Variants in GRAMD1C observed in about 807,000 individuals in gnomAD.
GRAMD1C encodes the protein protein Aster-C.
A neutral mutation model predicts 97.8 loss-of-function variants in GRAMD1C; 89 were observed. The observed-to-expected ratio is 0.91, with a 90% CI of 0.77 to 1.09. The LOEUF (loss-of-function observed/expected upper bound fraction) is 1.09, where lower values mean the gene tolerates loss of function less well. Among genes scored for constraint, GRAMD1C ranks in the 50% least tolerant of loss-of-function variants. The pLI is 0.00. For synonymous variants in GRAMD1C, 256 were observed against 267.0 expected (o/e 0.96, Z 0.40); for missense variants, 740 against 766.4 (o/e 0.97, Z 0.41).
At chr3:113,936,603 A>G (rs1559826536) in intron 14 of GRAMD1C, 161 bp downstream of exon 14, 3 of 535,000 alleles carry the variant, frequency 5.6e-6, no homozygotes, top group Middle Eastern at 4.6e-4. Flanking sequence ...TAACTAATAT[A>G]TAAGTATAAA....
chr3:113,943,382 A>T (rs1439271225), intron 17 of GRAMD1C, among the ~76,000 whole-genome samples: 1 of 152,200 alleles, frequency 6.6e-6, no homozygotes, highest in African/African-American at 2.4e-5. Context: ...AGGTTGTGCA[A>T]CCATCATCAC....
At chr3:113,879,813 C>T (rs914045570) in intron 5 of GRAMD1C, among the ~76,000 whole-genome samples, 10 of 151,720 alleles carry the variant, frequency 6.6e-5, no homozygotes, top group African/African-American at 2.4e-4. Flanking sequence ...CCTGCCTCAG[C>T]CTCCCAAGTA....
intron 6 of GRAMD1C, among the ~76,000 whole-genome samples, chr3:113,889,513 G>A (rs2107419862): frequency 6.6e-6 from 1 of 152,292 alleles, no homozygotes; most frequent in Admixed American, 6.5e-5. Context: ...CTTTGGATAT[G>A]TGAAAACCGC....
intron 2 of GRAMD1C, among the ~76,000 whole-genome samples, chr3:113,865,008 G>T (rs922712346): frequency 6.6e-6 from 1 of 152,172 alleles, no homozygotes; most frequent in African/African-American, 2.4e-5. Flanking sequence ...ATAGAAAGGA[G>T]ATTTATTTGG....
chr3:113,923,559 A>G (rs138048184), intron 10 of GRAMD1C, among the ~76,000 whole-genome samples: 1 of 152,272 alleles, frequency 6.6e-6, no homozygotes, highest in Non-Finnish European at 1.5e-5. Flanking sequence ...TGTTTATGTG[A>G]TGAATCACAC....
At chr3:113,932,307 A>G (rs1937465413) in intron 11 of GRAMD1C, among the ~76,000 whole-genome samples, 1 of 152,226 alleles carries the variant, frequency 6.6e-6, no homozygotes, top group African/African-American at 2.4e-5. Context: ...AAGATTATCA[A>G]ACGTAAGAAA....
At chr3:113,850,591 C>T (rs1933853187) in intron 2 of GRAMD1C, 1 of 1,607,434 alleles carries the variant, frequency 6.2e-7, no homozygotes. Context: ...GACTGCATGG[C>T]CTTCATGACA....
At chr3:113,884,276 G>A (rs1935367789) in intron 6 of GRAMD1C, among the ~76,000 whole-genome samples, 1 of 152,102 alleles carries the variant, frequency 6.6e-6, no homozygotes, top group Non-Finnish European at 1.5e-5. Context: ...GAGCACAATG[G>A]CATGAAATTA....
At chr3:113,874,588 G>T (rs1934956314) in intron 3 of GRAMD1C, among the ~76,000 whole-genome samples, 3 of 152,094 alleles carry the variant, frequency 2.0e-5, no homozygotes, top group Non-Finnish European at 2.9e-5. Context: ...CAAGTGATCC[G>T]CTGGCCTCGG....
At chr3:113,898,291 G>A (rs184329326) in intron 6 of GRAMD1C, among the ~76,000 whole-genome samples, 107 of 152,092 alleles carry the variant, frequency 7.0e-4, no homozygotes, top group East Asian at 2.1e-3. Context: ...CTTTGTAATC[G>A]TTTGATATCT....
At chr3:113,882,957 C>G (rs374184421) in intron 6 of GRAMD1C, 125 bp downstream of exon 6, 9 of 505,970 alleles carry the variant, frequency 1.8e-5, no homozygotes, top group African/African-American at 1.5e-4. Flanking sequence ...TAAGTAGAAA[C>G]TTCAATCAAA....
chr3:113,882,612 A>C (rs1935309117), intron 5 of GRAMD1C, 140 bp from the exon 6 acceptor site: 1 of 476,364 alleles, frequency 2.1e-6, no homozygotes, highest in Non-Finnish European at 3.8e-6. Flanking sequence ...CAAAAAGTTA[A>C]ATAAAAATAG....
intron 12 of GRAMD1C, among the ~76,000 whole-genome samples, chr3:113,934,205 G>A (rs1217393272): frequency 6.6e-6 from 1 of 152,108 alleles, no homozygotes; most frequent in East Asian, 1.9e-4. Context: ...CTAGAGAAAG[G>A]AAATAAGTAA....
chr3:113,903,208 C>G (rs1384293828), intron 7 of GRAMD1C, among the ~76,000 whole-genome samples: 1 of 151,252 alleles, frequency 6.6e-6, no homozygotes, highest in Non-Finnish European at 1.5e-5. Context: ...CTCTTGACCT[C>G]ATGATCAGCT....
intron 9 of GRAMD1C, among the ~76,000 whole-genome samples, chr3:113,913,429 CAAAAAAAAAA>C (rs765510213): frequency 1.5e-5 from 1 of 68,298 alleles, no homozygotes; most frequent in Non-Finnish European, 2.8e-5. Context: ...ACTCTGTCTC[CAAAAAAAAAA>C]AAAAAAAAAA....
chr3:113,844,316 TA>T (rs1289727927), intron 1 of GRAMD1C, among the ~76,000 whole-genome samples, 186 bp from the exon 2 acceptor site: 2 of 151,626 alleles, frequency 1.3e-5, no homozygotes, highest in Admixed American at 6.6e-5. Flanking sequence ...AATAAGAATT[TA>T]AAAAAAATAA....
At chr3:113,857,172 C>CAA (rs202127319) in intron 2 of GRAMD1C, among the ~76,000 whole-genome samples, 64 of 124,108 alleles carry the variant, frequency 5.2e-4, no homozygotes, top group Non-Finnish European at 8.5e-4. Flanking sequence ...AAAAAACAAA[C>CAA]AAACAAAAAA....
chr3:113,930,753 A>T lies in GRAMD1C; in HGVS notation c.1130A>T (p.Asp377Val), dbSNP rs1559821887. 6.2e-7 allele frequency: 1 copy of T among 1,611,248 alleles called. No homozygotes were observed. Among genetic ancestry groups the T allele is most frequent in the Non-Finnish European group, 8.5e-7 (1 of 1,177,326 alleles). ...STPWTAELGG[D>V]QLRTMTYTIV... ...CCTTGGACTGCAGAACTTGGAGGTGATCAGCTGAGAACGATGACCTACACT... is the reference window on the plus strand; with the variant it reads ...CCTTGGACTGCAGAACTTGGAGGTGTTCAGCTGAGAACGATGACCTACACT... The change falls in exon 11 of 18, where the codon GAT (aspartate) becomes GTT (valine). Residue 377 changes from aspartate (D) to valine (V), a missense_variant. Physicochemically the swap from Asp to Val is radical, Grantham distance 152. Coordinates refer to ENST00000358160, the MANE Select transcript of GRAMD1C (RefSeq NM_017577.5).
intron 2 of GRAMD1C, among the ~76,000 whole-genome samples, chr3:113,852,611 G>C (rs999089442): frequency 2.0e-5 from 3 of 151,696 alleles, no homozygotes; most frequent in East Asian, 1.9e-4. Flanking sequence ...ATACCTAAGG[G>C]GTTAAAAAAA....
Sources: gnomAD v4.1 joint callset for allele counts (sites outside exome capture counted in the v4.1 genomes callset) on GRCh38, gnomAD v4.1.1 for gene constraint, MANE v1.5 for transcripts, NCBI Gene and HGNC (gene_info 2026-07-23, HGNC 2026-07-21) for gene names.